KCNIP4: variants seen among roughly 807,000 people sequenced by gnomAD.
KCNIP4 encodes the protein potassium voltage-gated channel interacting protein 4.
In KCNIP4, 12 loss-of-function variants were observed where a neutral mutation model predicts 34.0. The observed-to-expected ratio is 0.35, with a 90% confidence interval of 0.23 to 0.57. The LOEUF (loss-of-function observed/expected upper bound fraction) is 0.57. Among genes scored for constraint, KCNIP4 ranks in the 20% least tolerant of loss-of-function variants. The probability of loss-of-function intolerance (pLI) is 0.83; values close to 1 mark genes in which losing one functional copy is unlikely to be tolerated. For missense variants in KCNIP4, 238 were observed against 311.7 expected (o/e 0.76, Z 1.78); for synonymous variants, 124 against 102.2 (o/e 1.21, Z -1.29).
At chr4:21,084,182 T>C (rs1353302937) in intron 1 of KCNIP4, among the ~76,000 whole-genome samples, 1 of 151,296 alleles carries the variant, frequency 6.6e-6, no homozygotes, top group East Asian at 1.9e-4. Flanking sequence ...TGCTAACACC[T>C]GCTCTCACAT....
intron 2 of KCNIP4, among the ~76,000 whole-genome samples, chr4:20,869,883 C>A (rs1723258989): frequency 6.6e-6 from 1 of 152,010 alleles, no homozygotes; most frequent in African/African-American, 2.4e-5. Context: ...GGGCAAAGTG[C>A]TTAGTCTATG....
In KCNIP4 at chr4:21,241,512, CAT is replaced by C. The variant is rs556305358; in HGVS notation, c.62-358805_62-358804del. Among the ~76,000 whole-genome samples the C allele has an allele frequency of 9.9e-5, 15 of 152,156 alleles. No individual in the cohort carries two copies. In the East Asian group the frequency reaches 2.5e-3, roughly 26 times the overall value. On this transcript the variant is annotated intron_variant, in intron 1 of 8. Transcript: ENST00000382152. ...GGAAGGTGTAGGCAAGAGATGGAAACATAGAAAGGGGCTCATCGCAAACTCCA... is the reference window on the plus strand; with the variant it reads ...GGAAGGTGTAGGCAAGAGATGGAAACAGAAAGGGGCTCATCGCAAACTCCA...
chr4:21,675,568 T>C (rs1749827227), intron 1 of KCNIP4, among the ~76,000 whole-genome samples: 1 of 152,202 alleles, frequency 6.6e-6, no homozygotes, highest in Non-Finnish European at 1.5e-5. Flanking sequence ...TATAAATGTA[T>C]ACACTTACTA....
intron 1 of KCNIP4, among the ~76,000 whole-genome samples, chr4:21,287,317 A>G (rs1763179590): frequency 6.6e-6 from 1 of 152,206 alleles, no homozygotes; most frequent in African/African-American, 2.4e-5. Context: ...TTCCCAATAG[A>G]ATGTATTTAT....
intron 1 of KCNIP4, among the ~76,000 whole-genome samples, chr4:21,778,636 T>C (rs113931987): frequency 0.011 from 1,610 of 152,310 alleles, 19 homozygotes; most frequent in Non-Finnish European, 0.015. Context: ...ATATTACAAA[T>C]ATCATTTTTA....
At chr4:21,669,743 ACT>A (rs1749327611) in intron 1 of KCNIP4, among the ~76,000 whole-genome samples, 1 of 152,098 alleles carries the variant, frequency 6.6e-6, no homozygotes, top group Non-Finnish European at 1.5e-5. Flanking sequence ...TTTTCTTTTT[ACT>A]CCATTACCAA....
chr4:21,507,097 T>C (rs1031414954), intron 1 of KCNIP4, among the ~76,000 whole-genome samples: 2 of 151,964 alleles, frequency 1.3e-5, no homozygotes, highest in Non-Finnish European at 2.9e-5. Context: ...AATAATACTT[T>C]TTCTTTAAAG....
intron 1 of KCNIP4, among the ~76,000 whole-genome samples, chr4:21,060,575 C>T (rs28404996): frequency 0.13 from 19,817 of 152,128 alleles, 1,566 homozygotes; most frequent in African/African-American, 0.22. Flanking sequence ...AGTGGCTGCC[C>T]AGCCAAGAAC....
At chr4:21,384,572 G>A (rs1342887494) in intron 1 of KCNIP4, among the ~76,000 whole-genome samples, 2 of 152,176 alleles carry the variant, frequency 1.3e-5, no homozygotes, top group Non-Finnish European at 2.9e-5. Context: ...GATTGATGTG[G>A]AATAACTTGT....
At chr4:21,924,291 T>C (rs956671007) in intron 1 of KCNIP4, among the ~76,000 whole-genome samples, 3 of 147,980 alleles carry the variant, frequency 2.0e-5, no homozygotes, top group African/African-American at 7.5e-5. Flanking sequence ...TCGCCCAGGC[T>C]GGAGTGCAGT....
At chr4:21,580,904 A>G (rs1248357653) in intron 1 of KCNIP4, among the ~76,000 whole-genome samples, 2 of 152,048 alleles carry the variant, frequency 1.3e-5, no homozygotes, top group Non-Finnish European at 2.9e-5. Flanking sequence ...TCCTTTTGTA[A>G]GGATATGTCA....
intron 1 of KCNIP4, among the ~76,000 whole-genome samples, chr4:21,800,613 A>C (rs1720927393): frequency 6.6e-6 from 1 of 152,162 alleles, no homozygotes; most frequent in African/African-American, 2.4e-5. Context: ...CCAATCATGT[A>C]CATTTTCTGT....
chr4:21,016,547 G>A (rs915910199), intron 1 of KCNIP4, among the ~76,000 whole-genome samples: 2 of 152,102 alleles, frequency 1.3e-5, no homozygotes, highest in African/African-American at 2.4e-5. Context: ...TGCCCGCCTC[G>A]GCCTCCCAAA....
At chr4:21,389,053 A>G (rs931355879) in intron 1 of KCNIP4, among the ~76,000 whole-genome samples, 2 of 151,788 alleles carry the variant, frequency 1.3e-5, no homozygotes, top group Non-Finnish European at 2.9e-5. Flanking sequence ...GGCACAATCA[A>G]GGCTCATTGC....
chr4:21,138,012 C>T (rs1751644686), intron 1 of KCNIP4, among the ~76,000 whole-genome samples: 2 of 151,942 alleles, frequency 1.3e-5, no homozygotes, highest in African/African-American at 2.4e-5. Flanking sequence ...GCTGGGACTA[C>T]AGGCACATGC....
In KCNIP4 at chr4:20,888,047, A is replaced by G. The variant is rs553507725; in HGVS notation, c.62-5338T>C. 2.5e-3 allele frequency among the ~76,000 whole-genome samples: 374 copies of G among 152,196 alleles called. 1 individual carries two copies. The highest frequency in any genetic ancestry group is 0.014 in the Middle Eastern group (4 of 294). Reference sequence around the variant, plus strand: ...AGTCTATAATAAATGAAGGAGACATACTGAAATCTCTAGATACAAGGGAAG... The same window carrying G: ...AGTCTATAATAAATGAAGGAGACATGCTGAAATCTCTAGATACAAGGGAAG... On this transcript the variant is annotated intron_variant, in intron 1 of 8. Coordinates refer to ENST00000382152, the MANE Select transcript of KCNIP4 (RefSeq NM_025221.6).
intron 1 of KCNIP4, among the ~76,000 whole-genome samples, chr4:21,643,873 TAGATA>T (rs1746809777): frequency 1.1e-5 from 1 of 93,848 alleles, no homozygotes; most frequent in Admixed American, 1.2e-4. Context: ...ATGATGATGA[TAGATA>T]GATAGATAGA....
chr4:21,567,907 T>C (rs1440758748), intron 1 of KCNIP4, among the ~76,000 whole-genome samples: 1 of 152,120 alleles, frequency 6.6e-6, no homozygotes, highest in Non-Finnish European at 1.5e-5. Context: ...ACATGATTCC[T>C]AGTCCCAAAC....
chr4:21,318,515 AT>A (rs1038294369), intron 1 of KCNIP4, among the ~76,000 whole-genome samples: 92 of 152,132 alleles, frequency 6.0e-4, no homozygotes, highest in African/African-American at 2.1e-3. Context: ...TGAAAAGGTC[AT>A]TTTTCTATAT....
Sources: allele counts gnomAD v4.1 joint callset (sites outside exome capture counted in the v4.1 genomes callset), GRCh38; gene constraint gnomAD v4.1.1; transcripts MANE v1.5; gene names NCBI Gene and HGNC (gene_info 2026-07-23, HGNC 2026-07-21).